The following SPIDR variants were observed in gnomAD, a reference collection of about 807,000 sequenced individuals.
The protein encoded by SPIDR is scaffold protein involved in DNA repair.
In SPIDR, 93 loss-of-function variants were observed where a neutral mutation model predicts 104.6. The observed-to-expected ratio is 0.89, with a 90% CI of 0.75 to 1.06. SPIDR has a LOEUF of 1.06. SPIDR is among the 50% of genes least tolerant of loss of function. SPIDR has a pLI of 0.00. For synonymous variants in SPIDR, 431 were observed against 416.9 expected (o/e 1.03, Z -0.41); for missense variants, 1,154 against 1,111.2 (o/e 1.04, Z -0.55).
At chr8:47,679,962 G>C (rs1302447765) in intron 11 of SPIDR, among the ~76,000 whole-genome samples, 1 of 152,222 alleles carries the variant, frequency 6.6e-6, no homozygotes, top group East Asian at 1.9e-4. Context: ...TTGTCAGCAA[G>C]ATTTAAATGT....
At chr8:47,464,860 C>G (rs2074521294) in intron 8 of SPIDR, among the ~76,000 whole-genome samples, 1 of 152,100 alleles carries the variant, frequency 6.6e-6, no homozygotes, top group South Asian at 2.1e-4. Flanking sequence ...CCTCAGCCTC[C>G]CGGGTTCAAG....
intron 11 of SPIDR, among the ~76,000 whole-genome samples, chr8:47,688,802 A>T (rs2078214942): frequency 6.6e-6 from 1 of 152,214 alleles, no homozygotes; most frequent in Non-Finnish European, 1.5e-5. Context: ...AGCATAGTAG[A>T]GTTCCTGCTG....
chr8:47,391,577 A>T (rs1588092088), intron 5 of SPIDR, among the ~76,000 whole-genome samples: 2 of 152,202 alleles, frequency 1.3e-5, no homozygotes, highest in East Asian at 3.9e-4. Context: ...ATAATTAATT[A>T]AAAAATGACT....
At chr8:47,442,653 T>C (rs537093379) in intron 8 of SPIDR, among the ~76,000 whole-genome samples, 6 of 152,368 alleles carry the variant, frequency 3.9e-5, no homozygotes, top group Non-Finnish European at 7.3e-5. Flanking sequence ...TTTACTCCCT[T>C]GTGGAATTTA....
At chr8:47,490,521 A>G (rs2078508807) in intron 8 of SPIDR, among the ~76,000 whole-genome samples, 1 of 152,246 alleles carries the variant, frequency 6.6e-6, no homozygotes, top group African/African-American at 2.4e-5. Context: ...ATTATGAATC[A>G]TGCTGCTGTA....
intron 8 of SPIDR, among the ~76,000 whole-genome samples, chr8:47,449,626 C>A (rs1291909235): frequency 6.6e-6 from 1 of 152,082 alleles, no homozygotes; most frequent in Non-Finnish European, 1.5e-5. Context: ...TTAGTCTTTT[C>A]CGTCAAAATT....
intron 10 of SPIDR, among the ~76,000 whole-genome samples, chr8:47,603,923 T>C (rs976192614): frequency 6.6e-6 from 1 of 152,186 alleles, no homozygotes; most frequent in Non-Finnish European, 1.5e-5. Flanking sequence ...TCTTTTGGCC[T>C]TTGCTTTATT....
At chr8:47,322,713 A>T (rs566872193) in intron 5 of SPIDR, among the ~76,000 whole-genome samples, 148 of 152,316 alleles carry the variant, frequency 9.7e-4, no homozygotes, top group Admixed American at 2.3e-3. Context: ...GATAGACTGG[A>T]TTAAGAAAAT....
At chr8:47,716,202 C>T (rs1246900043) in intron 16 of SPIDR, among the ~76,000 whole-genome samples, 1 of 152,102 alleles carries the variant, frequency 6.6e-6, no homozygotes, top group African/African-American at 2.4e-5. Context: ...TCAGGTGATC[C>T]ACCCACCTCG....
At chr8:47,545,107 CTTTCTTTCTTTCTTTTT>C (rs2089065721) in intron 8 of SPIDR, among the ~76,000 whole-genome samples, 1 of 126,722 alleles carries the variant, frequency 7.9e-6, no homozygotes, top group Non-Finnish European at 1.7e-5. Context: ...TTCTTTCTTT[CTTTCTTTCTTTCTTTTT>C]TTTTTTTTTT....
At chr8:47,263,362 G>A (rs1190637554) in intron 1 of SPIDR, among the ~76,000 whole-genome samples, 3 of 152,258 alleles carry the variant, frequency 2.0e-5, no homozygotes, top group Middle Eastern at 6.8e-3. Context: ...TTGGAATAAT[G>A]CCAGTTCTCC....
At chr8:47,357,686 A>G (rs555549683) in intron 5 of SPIDR, among the ~76,000 whole-genome samples, 1 of 152,322 alleles carries the variant, frequency 6.6e-6, no homozygotes, top group East Asian at 1.9e-4. Flanking sequence ...GGCAAGCACA[A>G]TGAGCATAGT....
chr8:47,467,134 G>A (rs1378489784), intron 8 of SPIDR, among the ~76,000 whole-genome samples: 4 of 151,962 alleles, frequency 2.6e-5, no homozygotes, highest in African/African-American at 9.7e-5. Flanking sequence ...TAAATTCCTG[G>A]ATGCATGCAC....
chr8:47,440,234 G>T (rs1273237176), intron 7 of SPIDR, 89 bp from the exon 8 acceptor site: 1 of 1,173,534 alleles, frequency 8.5e-7, no homozygotes. Flanking sequence ...CTATCTGCAT[G>T]TGGATCTTTT....
chr8:47,654,923 G>A (rs920989600), intron 10 of SPIDR, among the ~76,000 whole-genome samples: 1 of 149,682 alleles, frequency 6.7e-6, no homozygotes, highest in Non-Finnish European at 1.5e-5. Flanking sequence ...TCCCCTTCCT[G>A]TGTCCACGTG....
chr8:47,513,287 A>C (rs1036426315), intron 8 of SPIDR, among the ~76,000 whole-genome samples: 9 of 152,208 alleles, frequency 5.9e-5, no homozygotes, highest in African/African-American at 2.2e-4. Flanking sequence ...AAGTCTTACA[A>C]CTCTGCAATA....
chr8:47,405,675 A>G (rs941951789), intron 6 of SPIDR, among the ~76,000 whole-genome samples: 6 of 152,192 alleles, frequency 3.9e-5, no homozygotes, highest in Admixed American at 3.3e-4. Context: ...TGAATTCATC[A>G]TATTTTTATT....
In SPIDR at chr8:47,341,893, T is replaced by A. The variant is rs182054809; in HGVS notation, c.525+47863T>A. On this transcript the variant is annotated intron_variant, in intron 5 of 19. Transcript: ENST00000297423. ...CAGCAGCTCCTACAGAATCTTCCCC[T>A]CTGCAGTCCCTGCCAAAACCACACA... is the stretch of plus-strand genomic sequence containing the variant. 6.6e-5 allele frequency among the ~76,000 whole-genome samples: 10 copies of A among 152,252 alleles called. No individual in the cohort carries two copies. The East Asian group carries it at 1.9e-3, about 29-fold the overall frequency.
At chr8:47,656,608 C>T (rs1286670153) in intron 10 of SPIDR, among the ~76,000 whole-genome samples, 1 of 152,088 alleles carries the variant, frequency 6.6e-6, no homozygotes, top group African/African-American at 2.4e-5. Context: ...CTGGCAGTTC[C>T]CCAAAAAGTT....
Sources: allele counts gnomAD v4.1 joint callset (sites outside exome capture counted in the v4.1 genomes callset), GRCh38; gene constraint gnomAD v4.1.1; transcripts MANE v1.5; gene names NCBI Gene and HGNC (gene_info 2026-07-23, HGNC 2026-07-21).